Variants in CHST3 observed in about 807,000 individuals in gnomAD.
The protein encoded by CHST3 is carbohydrate sulfotransferase 3, also known as C6ST-1.
In CHST3, 20 loss-of-function variants were observed where a neutral mutation model predicts 35.4. That is an observed-to-expected ratio of 0.57 (90% confidence interval 0.40 to 0.82). The LOEUF is 0.82. Among genes scored for constraint, CHST3 ranks in the 40% least tolerant of loss-of-function variants. The probability of loss-of-function intolerance (pLI) is 0.00; values close to 1 mark genes in which losing one functional copy is unlikely to be tolerated. For synonymous variants in CHST3, 334 were observed against 295.9 expected, an observed-to-expected ratio of 1.13 and a Z score of -1.32; for missense variants, 693 against 670.1, an observed-to-expected ratio of 1.03 and a Z score of -0.38.
chr10:71,968,683 A>C (rs541334002), intron 1 of CHST3, among the ~76,000 whole-genome samples: 1 of 152,090 alleles, frequency 6.6e-6, no homozygotes, highest in Non-Finnish European at 1.5e-5. Context: ...CTCTGCTTGC[A>C]TTCTTCTTTT....
intron 1 of CHST3, among the ~76,000 whole-genome samples, chr10:71,997,488 T>C (rs952110486): frequency 2.6e-5 from 4 of 152,158 alleles, no homozygotes; most frequent in African/African-American, 9.7e-5. Context: ...CAGAAGGGAC[T>C]GACTGGGCTC....
rs143048548 is a variant in CHST3 at position 71,992,841 on chromosome 10, T to G, written c.-107-12895T>G. Reference sequence around the variant, plus strand: ...ACGCTTGGCTAATTTTTTGTATTTTTAGTAGAGGCAGGGTTTCACCATGTT... The same window carrying G: ...ACGCTTGGCTAATTTTTTGTATTTTGAGTAGAGGCAGGGTTTCACCATGTT... On this transcript the variant is annotated intron_variant, in intron 1 of 2. Transcript: ENST00000373115. Among the ~76,000 whole-genome samples the G allele has an allele frequency of 1.1e-3, 163 of 151,988 alleles. 2 individuals are homozygous for G. In the East Asian group the frequency reaches 0.031, roughly 29 times the overall value.
At chr10:71,990,614 C>T (rs374104663) in intron 1 of CHST3, among the ~76,000 whole-genome samples, 14 of 152,320 alleles carry the variant, frequency 9.2e-5, no homozygotes, top group Admixed American at 2.0e-4. Flanking sequence ...CCACCTGCCT[C>T]GGCCTCCCAA....
chr10:71,999,310 A>G (rs764178970), intron 1 of CHST3, among the ~76,000 whole-genome samples: 1 of 152,190 alleles, frequency 6.6e-6, no homozygotes, highest in Non-Finnish European at 1.5e-5. Flanking sequence ...GAAAACTCAC[A>G]AAAGAGCCCA....
At chr10:71,965,728 T>C (rs1253831781) in intron 1 of CHST3, among the ~76,000 whole-genome samples, 2 of 152,128 alleles carry the variant, frequency 1.3e-5, no homozygotes, top group Non-Finnish European at 2.9e-5. Context: ...CACCGGTAAT[T>C]ATCATTCATT....
intron 2 of CHST3, 23 bp downstream of exon 2, chr10:72,006,005 T>G (rs748271040): frequency 6.2e-7 from 1 of 1,612,326 alleles, no homozygotes; most frequent in East Asian, 2.2e-5. Flanking sequence ...AGCCCAAGTC[T>G]TCATCTTCCT....
intron 1 of CHST3, among the ~76,000 whole-genome samples, chr10:72,003,277 C>T (rs1193917043): frequency 1.3e-5 from 2 of 152,220 alleles, no homozygotes; most frequent in African/African-American, 4.8e-5. Flanking sequence ...CCTGCTTGTT[C>T]ACCGCCATAT....
intron 1 of CHST3, among the ~76,000 whole-genome samples, chr10:71,969,876 G>A (rs527253797): frequency 4.4e-4 from 67 of 152,318 alleles, no homozygotes; most frequent in Admixed American, 1.4e-3. Flanking sequence ...TCTTTGCTGC[G>A]AAGGAACACT....
chr10:72,005,520 T>A (rs1028178922), intron 1 of CHST3, among the ~76,000 whole-genome samples: 2 of 152,180 alleles, frequency 1.3e-5, no homozygotes, highest in Non-Finnish European at 2.9e-5. Flanking sequence ...AGGGAGAAAC[T>A]GATGGAGGTG....
chr10:71,990,004 T>C (rs1347928863), intron 1 of CHST3, among the ~76,000 whole-genome samples: 2 of 152,256 alleles, frequency 1.3e-5, no homozygotes, highest in Admixed American at 1.3e-4. Flanking sequence ...GTTTTGGTTT[T>C]GCCTATTAAC....
chr10:72,007,172 G>C lies in CHST3; in HGVS notation c.141G>C (p.Arg47Ser). ...FIEKENKIISRVSDKLKQIPQ... is the reference protein window; with the variant it reads ...FIEKENKIISSVSDKLKQIPQ... ...ACCCTGATCTTCTTTGTCCTCACAG[G>C]GTCTCAGACAAGCTGAAGCAGATTC... Residue 47 changes from arginine (R) to serine (S), a missense_variant and splice_region_variant, in exon 3 of 3, where the codon AGG becomes AGC. Arg to Ser is a moderately radical substitution (Grantham distance 110). Coordinates refer to ENST00000373115, the MANE Select transcript of CHST3 (RefSeq NM_004273.5). The C allele has an allele frequency of 6.2e-7, 1 of 1,613,966 alleles. No homozygotes were observed. The highest frequency in any genetic ancestry group is 8.5e-7 in the Non-Finnish European group (1 of 1,180,010).
Position 72,007,627 on chromosome 10 carries a change from A to C in CHST3, c.596A>C (p.Asp199Ala). The change falls in exon 3 of 3, where the codon GAC becomes GCC. Residue 199 changes from aspartate (D) to alanine (A), a missense_variant. Coordinates refer to ENST00000373115, the MANE Select transcript of CHST3 (RefSeq NM_004273.5). ...GTGCTCAAGCAGCTCTTCCTGTGCGACCTGTACGTGCTGGAGCACTTCATC... is the reference window on the plus strand; with the variant it reads ...GTGCTCAAGCAGCTCTTCCTGTGCGCCCTGTACGTGCTGGAGCACTTCATC... The part of the protein sequence containing the change: ...RDVLKQLFLC[D>A]LYVLEHFITP... 1.2e-6 allele frequency: 2 copies of C among 1,610,098 alleles called. No individual in the cohort carries two copies. Among genetic ancestry groups the C allele is most frequent in the Non-Finnish European group, 1.7e-6 (2 of 1,179,540 alleles).
chr10:71,991,532 G>A (rs1839896665), intron 1 of CHST3, among the ~76,000 whole-genome samples: 2 of 152,098 alleles, frequency 1.3e-5, no homozygotes, highest in Admixed American at 1.3e-4. Flanking sequence ...GCTGTTACAG[G>A]CATACCTCAG....
chr10:71,971,354 G>C (rs1003265528), intron 1 of CHST3, among the ~76,000 whole-genome samples: 1 of 152,194 alleles, frequency 6.6e-6, no homozygotes, highest in African/African-American at 2.4e-5. Context: ...TACATATTGG[G>C]CTTCTGAAAA....
chr10:71,968,367 T>A (rs1839653321), intron 1 of CHST3, among the ~76,000 whole-genome samples: 1 of 152,230 alleles, frequency 6.6e-6, no homozygotes, highest in African/African-American at 2.4e-5. Context: ...TTCAAGTTCC[T>A]TATAGATTCT....
chr10:72,007,523 G>T lies in CHST3; in HGVS notation c.492G>T (p.Pro164=). ...QQGNIFYLFE[P]LWHIERTVSF... is the part of the protein sequence containing the mutation. ...GCAACATCTTCTACCTCTTCGAGCC[G>T]CTGTGGCACATCGAGCGCACAGTGT... is the stretch of plus-strand genomic sequence containing the variant. Residue 164 remains proline (P), a synonymous_variant, in exon 3 of 3, where the codon CCG becomes CCT. Coordinates refer to ENST00000373115, the MANE Select transcript of CHST3 (RefSeq NM_004273.5). The T allele has an allele frequency of 6.2e-7, 1 of 1,603,966 alleles. No individual in the cohort carries two copies. Among genetic ancestry groups the T allele is most frequent in the South Asian group, 1.1e-5 (1 of 91,020 alleles).
intron 1 of CHST3, among the ~76,000 whole-genome samples, chr10:72,000,085 C>T (rs1249420817): frequency 1.3e-5 from 2 of 152,186 alleles, no homozygotes; most frequent in Non-Finnish European, 2.9e-5. Flanking sequence ...TCAGCATGCA[C>T]CTGTGGCCCA....
chr10:71,966,773 C>A (rs1206424638), intron 1 of CHST3, among the ~76,000 whole-genome samples: 2 of 152,218 alleles, frequency 1.3e-5, no homozygotes, highest in Admixed American at 6.5e-5. Flanking sequence ...GTTAGCATTT[C>A]ATCTCCATTT....
Position 72,007,407 on chromosome 10 carries a change from C to T in CHST3, c.376C>T (p.Pro126Ser). 6.2e-7 allele frequency: 1 copy of T among 1,605,796 alleles called. No individual in the cohort carries two copies. The highest frequency in any genetic ancestry group is 8.5e-7 in the Non-Finnish European group (1 of 1,178,588). The change falls in exon 3 of 3, where the codon CCG becomes TCG. Residue 126 changes from proline (P) to serine (S), a missense_variant. Transcript: ENST00000373115. Reference sequence around the variant, plus strand: ...GAGAAAGGAGGAGGAGCCGCCCAGACCGGCCGTGGCGGGGCCCCGGCGCCA... The same window carrying T: ...GAGAAAGGAGGAGGAGCCGCCCAGATCGGCCGTGGCGGGGCCCCGGCGCCA... ...EQRKEEEPPR[P>S]AVAGPRRHVL...
Sources: allele counts gnomAD v4.1 joint callset (sites outside exome capture counted in the v4.1 genomes callset), GRCh38; gene constraint gnomAD v4.1.1; transcripts MANE v1.5; gene names NCBI Gene and HGNC (gene_info 2026-07-23, HGNC 2026-07-21).